Variants in ADGRL3 observed in about 807,000 individuals in gnomAD.
ADGRL3 encodes the protein calcium-independent alpha-latrotoxin receptor 3.
Under a neutral mutation model 153.5 loss-of-function variants are expected in ADGRL3, and 62 were observed. The observed-to-expected ratio is 0.40, with a 90% CI of 0.33 to 0.50. The LOEUF is 0.50. Among genes scored for constraint, ADGRL3 ranks in the 20% least tolerant of loss-of-function variants. ADGRL3 has a pLI of 0.47. For synonymous variants in ADGRL3, 710 were observed against 672.5 expected, an observed-to-expected ratio of 1.06 and a Z score of -0.86; for missense variants, 1,641 against 1,859.4, an observed-to-expected ratio of 0.88 and a Z score of 2.16.
At chr4:62,004,880 G>C (rs1208589317) in intron 21 of ADGRL3, among the ~76,000 whole-genome samples, 1 of 151,974 alleles carries the variant, frequency 6.6e-6, no homozygotes, top group Non-Finnish European at 1.5e-5. Context: ...TAATTTGTCT[G>C]TTTTCCCATT....
chr4:61,581,629 C>T (rs188286493), intron 4 of ADGRL3, among the ~76,000 whole-genome samples: 49 of 152,090 alleles, frequency 3.2e-4, no homozygotes, highest in Non-Finnish European at 3.4e-4. Flanking sequence ...CCTAGGTTAT[C>T]GTTATCTACT....
chr4:61,379,898 A>C (rs1304513962), intron 1 of ADGRL3, among the ~76,000 whole-genome samples: 1 of 151,956 alleles, frequency 6.6e-6, no homozygotes, highest in African/African-American at 2.4e-5. Flanking sequence ...TAAGAAACAA[A>C]GGCAGTAATA....
intron 1 of ADGRL3, among the ~76,000 whole-genome samples, chr4:61,372,878 G>A (rs1450137847): frequency 2.0e-5 from 3 of 152,286 alleles, no homozygotes; most frequent in South Asian, 2.1e-4. Flanking sequence ...AGCAATCAGC[G>A]AGACTCCGTG....
At chr4:61,565,978 C>G (rs1216039795) in intron 4 of ADGRL3, among the ~76,000 whole-genome samples, 15 of 151,980 alleles carry the variant, frequency 9.9e-5, no homozygotes, top group Admixed American at 9.8e-4. Context: ...ATATGATTTC[C>G]AATTTACAGT....
intron 25 of ADGRL3, among the ~76,000 whole-genome samples, chr4:62,061,198 A>C (rs1474287635): frequency 6.6e-6 from 1 of 151,476 alleles, no homozygotes; most frequent in African/African-American, 2.4e-5. Context: ...TAGGAGTGGC[A>C]TTTTTTTTGT....
At chr4:61,638,495 T>A (rs1560976483) in intron 5 of ADGRL3, among the ~76,000 whole-genome samples, 1 of 152,154 alleles carries the variant, frequency 6.6e-6, no homozygotes, top group Non-Finnish European at 1.5e-5. Context: ...TTTTGGTATG[T>A]AATTTGCAAT....
intron 1 of ADGRL3, among the ~76,000 whole-genome samples, chr4:61,203,747 T>A (rs2148714643): frequency 6.6e-6 from 1 of 152,356 alleles, no homozygotes; most frequent in African/African-American, 2.4e-5. Context: ...TCTGTAATGA[T>A]TCTAAATGAT....
At position 61,733,411 on chromosome 4, in the gene ADGRL3, G is replaced by C; in HGVS notation, c.1256G>C (p.Ser419Thr). The C allele has an allele frequency of 1.2e-6, 2 of 1,613,742 alleles. No individual in the cohort carries two copies. The highest frequency in any genetic ancestry group is 1.7e-6 in the Non-Finnish European group (2 of 1,179,802). Residue 419 changes from serine to threonine, a missense_variant, in exon 8 of 27, where the codon AGT becomes ACT. Ser to Thr is a moderately conservative substitution (Grantham distance 58). Around this residue, in one of 5 missense-constraint regions of ADGRL3, gnomAD observed 734 missense variants for 797.0 expected, o/e 0.92. Transcript: ENST00000683033. Reference sequence around the variant, plus strand: ...TACAACACTGACCAAAGCAAGGATAGTTTGGTGGATGTACCCTTTCCTAAT... The same window carrying C: ...TACAACACTGACCAAAGCAAGGATACTTTGGTGGATGTACCCTTTCCTAAT... ...YIYNTDQSKD[S>T]LVDVPFPNSY...
chr4:61,441,023 A>G (rs765508576), intron 2 of ADGRL3, among the ~76,000 whole-genome samples: 13 of 152,122 alleles, frequency 8.5e-5, no homozygotes, highest in Non-Finnish European at 1.8e-4. Flanking sequence ...ACTCTCCAAA[A>G]TTCCTTTTTT....
At chr4:61,692,998 A>G (rs199637600) in intron 6 of ADGRL3, among the ~76,000 whole-genome samples, 2 of 151,998 alleles carry the variant, frequency 1.3e-5, no homozygotes, top group South Asian at 4.2e-4. Context: ...AAGTAACCAA[A>G]TTACTTTGAT....
chr4:61,729,489 T>A (rs1366171328), intron 6 of ADGRL3, among the ~76,000 whole-genome samples: 2 of 151,998 alleles, frequency 1.3e-5, no homozygotes, highest in African/African-American at 2.4e-5. Flanking sequence ...TGCCAAACAG[T>A]ATTTCTCACT....
At chr4:61,221,841 A>G (rs1390253769) in intron 1 of ADGRL3, among the ~76,000 whole-genome samples, 3 of 152,178 alleles carry the variant, frequency 2.0e-5, no homozygotes, top group Non-Finnish European at 4.4e-5. Flanking sequence ...AATATTCGCA[A>G]TATAGTTTTG....
At chr4:61,777,322 A>G (rs80235121) in intron 8 of ADGRL3, among the ~76,000 whole-genome samples, 11,869 of 151,934 alleles carry the variant, frequency 0.078, 1,302 homozygotes, top group African/African-American at 0.24. Context: ...CATAGAGCCC[A>G]AGACTCCATC....
chr4:61,621,669 C>T lies in ADGRL3; in HGVS notation c.473+34229C>T, dbSNP rs1224024455. On this transcript the variant is annotated intron_variant, in intron 5 of 26. Transcript: ENST00000683033. ...TTTGACAAACATAGCCCTTTTTTTC[C>T]TCAGTAGGCTTATTTAGTTCTTCTA... Among the ~76,000 whole-genome samples the T allele has an allele frequency of 2.6e-5, 4 of 151,286 alleles. No homozygotes were observed. The East Asian group carries it at 7.8e-4, about 29-fold the overall frequency.
At chr4:61,930,901 T>C (rs2150098807) in intron 13 of ADGRL3, among the ~76,000 whole-genome samples, 1 of 152,132 alleles carries the variant, frequency 6.6e-6, no homozygotes, top group African/African-American at 2.4e-5. Flanking sequence ...AATAACTAGT[T>C]GGAGAAAAAA....
intron 1 of ADGRL3, among the ~76,000 whole-genome samples, chr4:61,225,095 G>C (rs1014516719): frequency 1.3e-5 from 2 of 152,136 alleles, no homozygotes; most frequent in Admixed American, 1.3e-4. Context: ...GAAAAGGAAA[G>C]AAAAATATAA....
Position 61,623,659 on chromosome 4 carries a change from G to A in ADGRL3, c.473+36219G>A, listed in dbSNP as rs796822953. On this transcript the variant is annotated intron_variant, in intron 5 of 26. Transcript: ENST00000683033. ...TACCTGACCTTAATTCTTACAGCAA[G>A]TATTTACTACATTCTTCATATGTGT... is the stretch of plus-strand genomic sequence containing the variant. Among the ~76,000 whole-genome samples the A allele has an allele frequency of 7.9e-5, 12 of 152,236 alleles. 1 individual carries two copies. Among genetic ancestry groups the A allele is most frequent in the African/African-American group, 2.9e-4 (12 of 41,564 alleles).
intron 23 of ADGRL3, among the ~76,000 whole-genome samples, chr4:62,034,329 A>C (rs1369451302): frequency 6.6e-6 from 1 of 151,756 alleles, no homozygotes; most frequent in Non-Finnish European, 1.5e-5. Flanking sequence ...TAAAATTTTA[A>C]CTATCTGGAC....
intron 1 of ADGRL3, among the ~76,000 whole-genome samples, chr4:61,299,635 A>T (rs189853272): frequency 6.6e-6 from 1 of 152,294 alleles, no homozygotes; most frequent in East Asian, 1.9e-4. Context: ...CTTTATATTA[A>T]TTTAAATTCA....
Sources: allele counts gnomAD v4.1 joint callset (sites outside exome capture counted in the v4.1 genomes callset), GRCh38; gene constraint gnomAD v4.1.1; regional missense constraint gnomAD v4.1.1; transcripts MANE v1.5; gene names NCBI Gene and HGNC (gene_info 2026-07-23, HGNC 2026-07-21).